Variants in GRID1 observed in about 807,000 individuals in gnomAD.
GRID1 encodes the protein glutamate ionotropic receptor delta type subunit 1.
In GRID1, 28 loss-of-function variants were observed where a neutral mutation model predicts 98.0. The observed-to-expected ratio is 0.29, with a 90% CI of 0.21 to 0.39. The LOEUF (loss-of-function observed/expected upper bound fraction) is 0.39, where lower values mean the gene tolerates loss of function less well. Among genes scored for constraint, GRID1 ranks in the 10% least tolerant of loss-of-function variants. The pLI is 1.00. For synonymous variants in GRID1, 553 were observed against 538.5 expected, an observed-to-expected ratio of 1.03 and a Z score of -0.37; for missense variants, 1,111 against 1,340.5, an observed-to-expected ratio of 0.83 and a Z score of 2.67.
At chr10:86,361,913 G>A (rs777871359) in intron 2 of GRID1, among the ~76,000 whole-genome samples, 12 of 152,246 alleles carry the variant, frequency 7.9e-5, no homozygotes, top group Admixed American at 2.0e-4. Context: ...TCATCCTTGT[G>A]TGTTACCTGC....
chr10:86,216,829 G>A (rs920362003), intron 2 of GRID1, among the ~76,000 whole-genome samples: 2 of 152,256 alleles, frequency 1.3e-5, no homozygotes, highest in East Asian at 1.9e-4. Flanking sequence ...TGAGGAGCTC[G>A]GCTATGCCCA....
chr10:85,933,919 T>G lies in GRID1; in HGVS notation c.727-17680A>C, dbSNP rs528197689. On this transcript the variant is annotated intron_variant, in intron 4 of 15. Transcript: ENST00000327946. ...ATACTGGCTCACTTTGATCAACACA[T>G]CTTTCTAGAAGGATGAATGATTTAA... 2.6e-4 allele frequency among the ~76,000 whole-genome samples: 40 copies of G among 152,316 alleles called. No individual in the cohort carries two copies. In the South Asian group the frequency reaches 7.7e-3, roughly 29 times the overall value.
chr10:85,604,026 T>A (rs1296245601), intron 15 of GRID1, among the ~76,000 whole-genome samples: 1 of 152,130 alleles, frequency 6.6e-6, no homozygotes, highest in Non-Finnish European at 1.5e-5. Flanking sequence ...GGAGAGGATT[T>A]CCACCCCCAG....
intron 2 of GRID1, among the ~76,000 whole-genome samples, chr10:86,303,514 T>G (rs773880396): frequency 6.6e-6 from 1 of 152,186 alleles, no homozygotes; most frequent in Non-Finnish European, 1.5e-5. Context: ...AGCATGCCTC[T>G]CTCGAGCACT....
In GRID1 at chr10:85,854,012, T is replaced by C. The variant is rs79600484; in HGVS notation, c.1233+484A>G. 5.3e-3 allele frequency among the ~76,000 whole-genome samples: 803 copies of C among 152,330 alleles called. 7 individuals are homozygous for C. The highest frequency in any genetic ancestry group is 0.018 in the African/African-American group (765 of 41,566). On this transcript the variant is annotated intron_variant, in intron 8 of 15. Coordinates refer to ENST00000327946, the MANE Select transcript of GRID1 (RefSeq NM_017551.3). The stretch of plus-strand genomic sequence containing the variant: ...GTTCAACTCCTCTGTCTCTCATTTA[T>C]CTTTCCGCTGGCCTCTGGCATTTTC...
At chr10:86,105,918 T>C (rs964696347) in intron 4 of GRID1, among the ~76,000 whole-genome samples, 5 of 151,964 alleles carry the variant, frequency 3.3e-5, no homozygotes, top group Non-Finnish European at 5.9e-5. Context: ...AGAGTTAGCA[T>C]GGTATGCAAG....
At chr10:85,797,674 C>T (rs1186022763) in intron 8 of GRID1, among the ~76,000 whole-genome samples, 2 of 148,124 alleles carry the variant, frequency 1.4e-5, no homozygotes, top group Non-Finnish European at 3.0e-5. Context: ...TGGTCTCTAA[C>T]TCCCAACCTC....
chr10:86,078,452 G>A (rs183205411), intron 4 of GRID1, among the ~76,000 whole-genome samples: 191 of 152,330 alleles, frequency 1.3e-3, no homozygotes, highest in Non-Finnish European at 2.2e-3. Context: ...GGTGCTCCGC[G>A]GCCTGCAGCA....
chr10:86,124,352 G>T (rs915190069), intron 4 of GRID1, among the ~76,000 whole-genome samples: 2 of 152,106 alleles, frequency 1.3e-5, no homozygotes, highest in African/African-American at 4.8e-5. Flanking sequence ...CTGGCACCAG[G>T]TACATCCTCC....
At position 85,841,602 on chromosome 10, in the gene GRID1, A is replaced by G. The variant is rs113411267; in HGVS notation, c.1233+12894T>C. Among the ~76,000 whole-genome samples the G allele has an allele frequency of 9.7e-3, 1,476 of 152,286 alleles. 16 individuals are homozygous for G. Among genetic ancestry groups the G allele is most frequent in the African/African-American group, 0.034 (1,394 of 41,572 alleles). On this transcript the variant is annotated intron_variant, in intron 8 of 15. Coordinates refer to ENST00000327946, the MANE Select transcript of GRID1 (RefSeq NM_017551.3). Reference sequence around the variant, plus strand: ...ACTATGCATCTCACAAAGGCCTAATATTTAGTATCTATAAGGAACTTAAAC... The same window carrying G: ...ACTATGCATCTCACAAAGGCCTAATGTTTAGTATCTATAAGGAACTTAAAC...
chr10:85,901,243 A>ATTTGTTTG (rs1219753468), intron 5 of GRID1, among the ~76,000 whole-genome samples: 3 of 149,684 alleles, frequency 2.0e-5, no homozygotes, highest in African/African-American at 7.4e-5. Flanking sequence ...TTATTTATTT[A>ATTTGTTTG]TTTATTTATT....
In GRID1 at chr10:85,901,227, TTTTATTTATTTA is replaced by T. The variant is rs34330928; in HGVS notation, c.780+14947_780+14958del. 2.7e-4 allele frequency among the ~76,000 whole-genome samples: 40 copies of T among 146,338 alleles called. No homozygotes were observed. In the East Asian group the frequency reaches 3.2e-3, roughly 12 times the overall value. On this transcript the variant is annotated intron_variant, in intron 5 of 15. Coordinates refer to ENST00000327946, the MANE Select transcript of GRID1 (RefSeq NM_017551.3). ...TTATTTATTCATTTATTTTATTTTA[TTTTATTTATTTA>T]TTTATTTATTTATTTATTTATTTTG...
At chr10:85,654,696 A>C (rs1449280836) in intron 12 of GRID1, among the ~76,000 whole-genome samples, 2 of 152,182 alleles carry the variant, frequency 1.3e-5, no homozygotes, top group Non-Finnish European at 1.5e-5. Flanking sequence ...ACAGCAAGAC[A>C]AACATGTGAG....
In GRID1 at chr10:85,808,880, A is replaced by G. The variant is rs543111904; in HGVS notation, c.1233+45616T>C. Among the ~76,000 whole-genome samples, 26 of 152,316 alleles carry G rather than the reference A, an allele frequency of 1.7e-4. No homozygotes were observed. The South Asian group carries it at 5.2e-3, about 30-fold the overall frequency. On this transcript the variant is annotated intron_variant, in intron 8 of 15. Coordinates refer to ENST00000327946, the MANE Select transcript of GRID1 (RefSeq NM_017551.3). ...AAAATGACTGATAATCAAGAGATAA[A>G]ATAGTCAATAGAATTAAGACCTTAA...
At chr10:85,942,837 T>C (rs983500085) in intron 4 of GRID1, among the ~76,000 whole-genome samples, 1 of 152,202 alleles carries the variant, frequency 6.6e-6, no homozygotes, top group Admixed American at 6.5e-5. Flanking sequence ...GCTGTTCATA[T>C]TCAAAACTAT....
intron 4 of GRID1, among the ~76,000 whole-genome samples, chr10:86,088,850 A>C (rs1018182677): frequency 2.6e-5 from 4 of 152,058 alleles, no homozygotes; most frequent in African/African-American, 9.7e-5. Context: ...TATTTTGCAG[A>C]CTTGCAGCAG....
At chr10:85,971,076 T>A (rs1242977868) in intron 4 of GRID1, among the ~76,000 whole-genome samples, 1 of 151,852 alleles carries the variant, frequency 6.6e-6, no homozygotes, top group Admixed American at 6.6e-5. Flanking sequence ...ATGAAACAAT[T>A]CCATTTACAG....
chr10:85,784,455 A>C (rs1001330435), intron 8 of GRID1, among the ~76,000 whole-genome samples: 8 of 152,152 alleles, frequency 5.3e-5, no homozygotes, highest in African/African-American at 1.9e-4. Context: ...TGTCCGGGGC[A>C]CTCTGTCCAC....
At chr10:85,764,801 T>C (rs890108771) in intron 8 of GRID1, among the ~76,000 whole-genome samples, 3 of 152,186 alleles carry the variant, frequency 2.0e-5, no homozygotes, top group African/African-American at 7.2e-5. Context: ...ATGTCAGCCA[T>C]AGTACAGGCC....
Sources: gnomAD v4.1 joint callset for allele counts (sites outside exome capture counted in the v4.1 genomes callset) on GRCh38, gnomAD v4.1.1 for gene constraint, MANE v1.5 for transcripts, NCBI Gene and HGNC (gene_info 2026-07-23, HGNC 2026-07-21) for gene names.